Variants in FSTL4 observed in about 807,000 individuals in gnomAD.
FSTL4 encodes the protein follistatin-related protein 4.
In FSTL4, 28 loss-of-function variants were observed where a neutral mutation model predicts 78.2. The observed-to-expected ratio is 0.36, with a 90% CI of 0.27 to 0.49. FSTL4 has a LOEUF of 0.49. Among genes scored for constraint, FSTL4 ranks in the 20% least tolerant of loss-of-function variants. FSTL4 has a pLI of 0.98. For synonymous variants in FSTL4, 422 were observed against 440.5 expected, an observed-to-expected ratio of 0.96 and a Z score of 0.53; for missense variants, 922 against 1,084.9, an observed-to-expected ratio of 0.85 and a Z score of 2.11.
chr5:133,238,261 C>G (rs1561636344), intron 7 of FSTL4, among the ~76,000 whole-genome samples: 1 of 152,210 alleles, frequency 6.6e-6, no homozygotes, highest in Non-Finnish European at 1.5e-5. Flanking sequence ...AGTTGAGAAA[C>G]AATTATTCAG....
chr5:133,645,788 C>T, the FSTL4 span, among the ~76,000 whole-genome samples: 1 of 152,204 alleles, frequency 6.6e-6, no homozygotes, highest in Admixed American at 6.5e-5. Context: ...TGGAGTTATG[C>T]AACCCATCAA....
intron 14 of FSTL4, among the ~76,000 whole-genome samples, chr5:133,202,276 G>A (rs143968474): frequency 9.8e-5 from 15 of 152,320 alleles, no homozygotes; most frequent in Non-Finnish European, 1.5e-4. Context: ...CTGATTGCCC[G>A]AATTGCTTCT....
intron 3 of FSTL4, among the ~76,000 whole-genome samples, chr5:133,414,348 T>C (rs944158157): frequency 6.6e-6 from 1 of 152,170 alleles, no homozygotes; most frequent in African/African-American, 2.4e-5. Flanking sequence ...TTGTTCACCC[T>C]TACACTGCAG....
At chr5:133,310,812 G>A (rs578179942) in intron 6 of FSTL4, among the ~76,000 whole-genome samples, 1 of 152,318 alleles carries the variant, frequency 6.6e-6, no homozygotes, top group South Asian at 2.1e-4. Flanking sequence ...CAGAGAACAT[G>A]TTGCTGCTTT....
chr5:133,570,264 G>T (rs912107449), intron 2 of FSTL4, among the ~76,000 whole-genome samples: 1 of 151,874 alleles, frequency 6.6e-6, no homozygotes, highest in African/African-American at 2.4e-5. Flanking sequence ...AATGAATTTG[G>T]AAGTTTTCCT....
intron 3 of FSTL4, among the ~76,000 whole-genome samples, chr5:133,468,277 C>T (rs1485317116): frequency 6.6e-6 from 1 of 152,218 alleles, no homozygotes; most frequent in African/African-American, 2.4e-5. Flanking sequence ...GGTGTCCCTG[C>T]CCCAGGGCAT....
the FSTL4 span, among the ~76,000 whole-genome samples, chr5:133,725,522 A>G: frequency 1.3e-5 from 2 of 152,200 alleles, no homozygotes; most frequent in Non-Finnish European, 2.9e-5. Context: ...AATGGTAGAG[A>G]CAATCAACCT....
At chr5:133,242,114 A>G (rs1433161415) in intron 7 of FSTL4, among the ~76,000 whole-genome samples, 6 of 152,198 alleles carry the variant, frequency 3.9e-5, no homozygotes, top group African/African-American at 1.2e-4. Context: ...GTCAACTTAC[A>G]CACATGTGCA....
chr5:133,841,992 C>T, the FSTL4 span, among the ~76,000 whole-genome samples: 37 of 152,186 alleles, frequency 2.4e-4, no homozygotes, highest in Non-Finnish European at 1.0e-4. Context: ...CACTGGCTGC[C>T]GGCATTTCTG....
At chr5:133,411,393 A>T (rs753547445) in intron 3 of FSTL4, among the ~76,000 whole-genome samples, 27 of 152,304 alleles carry the variant, frequency 1.8e-4, no homozygotes, top group South Asian at 8.3e-4. Flanking sequence ...GGAGAATTTC[A>T]GGAAAGAATT....
chr5:133,404,026 G>C (rs981442046), intron 3 of FSTL4, among the ~76,000 whole-genome samples: 3 of 152,202 alleles, frequency 2.0e-5, no homozygotes, highest in Non-Finnish European at 2.9e-5. Context: ...CCAACCTGTG[G>C]CTGCTGAAGT....
intron 2 of FSTL4, among the ~76,000 whole-genome samples, chr5:133,569,346 G>A (rs968936000): frequency 2.6e-5 from 4 of 152,192 alleles, no homozygotes; most frequent in Admixed American, 2.0e-4. Flanking sequence ...TTTGCTTTCA[G>A]AAGAAAACCT....
intron 3 of FSTL4, among the ~76,000 whole-genome samples, chr5:133,425,684 CATTA>C (rs1437500390): frequency 6.6e-6 from 1 of 152,162 alleles, no homozygotes; most frequent in African/African-American, 2.4e-5. Context: ...AAAGTTAAAG[CATTA>C]ATTAATTAAT....
At chr5:133,758,211 A>G in the FSTL4 span, among the ~76,000 whole-genome samples, 5 of 152,318 alleles carry the variant, frequency 3.3e-5, no homozygotes, top group East Asian at 9.6e-4. Context: ...TTCCCATTCT[A>G]CAGACATGGC....
the FSTL4 span, among the ~76,000 whole-genome samples, chr5:133,655,374 T>C: frequency 6.6e-6 from 1 of 152,180 alleles, no homozygotes; most frequent in African/African-American, 2.4e-5. Flanking sequence ...CTGAATCAAG[T>C]CACTTCTCTG....
At chr5:133,550,443 T>C (rs1219776011) in intron 3 of FSTL4, among the ~76,000 whole-genome samples, 1 of 152,160 alleles carries the variant, frequency 6.6e-6, no homozygotes, top group Non-Finnish European at 1.5e-5. Flanking sequence ...TCCCCCATAC[T>C]ACAGGCCCAC....
At chr5:133,453,377 A>G (rs1196295457) in intron 3 of FSTL4, among the ~76,000 whole-genome samples, 1 of 152,126 alleles carries the variant, frequency 6.6e-6, no homozygotes, top group Non-Finnish European at 1.5e-5. Context: ...TTCAGACTAG[A>G]TGAACTTCTG....
rs59400068 is a variant in FSTL4, at chr5:133,221,891, G to GTTT, written c.1340-1028_1340-1026dup. ...AATATGTAGAAAAATCTCTTTTCTA[G>GTTT]TTTTTTTTTTTTTTTTTTTTTTTTT... On this transcript the variant is annotated intron_variant, in intron 11 of 15. Coordinates refer to ENST00000265342, the MANE Select transcript of FSTL4 (RefSeq NM_015082.2). 2.3e-3 allele frequency among the ~76,000 whole-genome samples: 98 copies of GTTT among 43,348 alleles called. 14 individuals carry two copies. Among genetic ancestry groups the GTTT allele is most frequent in the African/African-American group, 3.6e-3 (68 of 18,818 alleles). The allele number at this position is 43,348 out of a possible 152,430, so 28.4% of individuals were successfully genotyped here.
At chr5:133,788,413 C>T in the FSTL4 span, among the ~76,000 whole-genome samples, 7 of 152,228 alleles carry the variant, frequency 4.6e-5, no homozygotes, top group Non-Finnish European at 8.8e-5. Flanking sequence ...CAAGGTGAGG[C>T]TCACACGAGG....
Sources: allele counts gnomAD v4.1 joint callset (sites outside exome capture counted in the v4.1 genomes callset), GRCh38; gene constraint gnomAD v4.1.1; transcripts MANE v1.5; gene names NCBI Gene and HGNC (gene_info 2026-07-23, HGNC 2026-07-21).